The following KCNU1 variants were observed in gnomAD, a reference collection of about 807,000 sequenced individuals.
KCNU1 encodes potassium channel subfamily U member 1.
In KCNU1, 93 loss-of-function variants were observed where a neutral mutation model predicts 126.8. The ratio of observed to expected loss-of-function variants is 0.73; its 90% confidence interval spans 0.62 to 0.87. The LOEUF is 0.87. Ranked by LOEUF, KCNU1 falls within the 40% of genes least tolerant of loss-of-function variation. The pLI, the probability that KCNU1 is intolerant of heterozygous loss-of-function variation, is 0.00. For synonymous variants in KCNU1, 523 were observed against 494.2 expected, an observed-to-expected ratio of 1.06 and a Z score of -0.77; for missense variants, 1,330 against 1,367.1, an observed-to-expected ratio of 0.97 and a Z score of 0.43.
intron 19 of KCNU1, among the ~76,000 whole-genome samples, chr8:36,885,764 G>C (rs1477856028): frequency 6.6e-6 from 1 of 152,032 alleles, no homozygotes. Context: ...TTGCACCCCA[G>C]CTTGGGAGAC....
intron 23 of KCNU1, among the ~76,000 whole-genome samples, chr8:36,922,227 C>T (rs553988135): frequency 1.3e-5 from 2 of 152,266 alleles, no homozygotes; most frequent in East Asian, 3.9e-4. Context: ...AATCAGAACA[C>T]TTCTTGAGAA....
chr8:36,910,967 A>G lies in KCNU1; in HGVS notation c.2369A>G (p.Asn790Ser), dbSNP rs1171253660. Reference sequence around the variant, plus strand: ...TATTCTGGAGACCTCCATGCGGCCAACATAGAGCAATGCTCCATGTGTGCT... The same window carrying G: ...TATTCTGGAGACCTCCATGCGGCCAGCATAGAGCAATGCTCCATGTGTGCT... ...ALYSGDLHAA[N>S]IEQCSMCAVL... Residue 790 changes from asparagine (N) to serine (S), a missense_variant, in exon 22 of 27, where the codon AAC (asparagine) becomes AGC (serine). Physicochemically the swap from Asn to Ser is conservative, Grantham distance 46. Transcript: ENST00000399881. The G allele has an allele frequency of 6.2e-7, 1 of 1,613,490 alleles. No homozygotes were observed. The highest frequency in any genetic ancestry group is 1.3e-5 in the African/African-American group (1 of 74,948).
intron 24 of KCNU1, among the ~76,000 whole-genome samples, chr8:36,927,821 C>T (rs1205594226): frequency 2.0e-5 from 3 of 151,944 alleles, no homozygotes; most frequent in African/African-American, 7.3e-5. Flanking sequence ...ATATTAGAAA[C>T]ATTGACCAAA....
At chr8:36,817,367 C>T (rs1308590376) in intron 9 of KCNU1, among the ~76,000 whole-genome samples, 5 of 151,726 alleles carry the variant, frequency 3.3e-5, no homozygotes, top group Non-Finnish European at 7.4e-5. Context: ...GGCGTGGTGG[C>T]GCATGCCTTT....
intron 3 of KCNU1, 38 bp from the exon 4 acceptor site, chr8:36,805,157 A>C: frequency 6.7e-7 from 1 of 1,483,124 alleles, no homozygotes. Flanking sequence ...CACTTTAAAA[A>C]TGTTGATCTT....
intron 5 of KCNU1, 146 bp from the exon 6 acceptor site, chr8:36,807,229 A>C (rs1462094372): frequency 3.1e-6 from 2 of 643,464 alleles, no homozygotes; most frequent in African/African-American, 3.6e-5. Flanking sequence ...ACTACAGCTT[A>C]TGCTGTTAAG....
chr8:36,856,750 G>T (rs1029871092), intron 18 of KCNU1, among the ~76,000 whole-genome samples: 1 of 152,092 alleles, frequency 6.6e-6, no homozygotes, highest in Non-Finnish European at 1.5e-5. Flanking sequence ...TTAAATTTGG[G>T]CCCCTTTGTA....
intron 2 of KCNU1, among the ~76,000 whole-genome samples, chr8:36,791,270 A>G (rs1783294133): frequency 6.6e-6 from 1 of 152,138 alleles, no homozygotes; most frequent in Non-Finnish European, 1.5e-5. Context: ...ATATGGTTCT[A>G]TTCTCAAGCA....
In KCNU1 at chr8:36,833,561, C is replaced by A. The variant is rs1213071048; in HGVS notation, c.1114C>A (p.Pro372Thr). The change falls in exon 11 of 27, where the codon CCT (proline) becomes ACT (threonine). Residue 372 changes from proline to threonine, a missense_variant. Physicochemically the swap from Pro to Thr is conservative, Grantham distance 38. Coordinates refer to ENST00000399881, the MANE Select transcript of KCNU1 (RefSeq NM_001031836.3). ...ACGTTCTTTTTTGTCCAGAACCCCTCCTTCTTTGGAACTTGAAACCATATT... is the reference window on the plus strand; with the variant it reads ...ACGTTCTTTTTTGTCCAGAACCCCTACTTCTTTGGAACTTGAAACCATATT... Reference protein sequence around the residue: ...TEIVFLGETPPSLELETIFKC... With the variant: ...TEIVFLGETPTSLELETIFKC... 1.2e-6 allele frequency: 2 copies of A among 1,605,062 alleles called. No individual in the cohort carries two copies. The highest frequency in any genetic ancestry group is 2.2e-5 in the South Asian group (2 of 90,868).
chr8:36,876,313 T>C (rs2117381117), intron 19 of KCNU1, among the ~76,000 whole-genome samples: 1 of 152,194 alleles, frequency 6.6e-6, no homozygotes, highest in East Asian at 1.9e-4. Context: ...TTTGGGTGAA[T>C]GCGTTAAAAA....
At chr8:36,894,283 A>G (rs767518363) in intron 19 of KCNU1, among the ~76,000 whole-genome samples, 1 of 152,268 alleles carries the variant, frequency 6.6e-6, no homozygotes, top group Admixed American at 6.5e-5. Context: ...TTCTCAATTC[A>G]TGGTAAAGCC....
intron 2 of KCNU1, among the ~76,000 whole-genome samples, chr8:36,788,328 A>G (rs755431961): frequency 1.2e-4 from 19 of 152,128 alleles, no homozygotes; most frequent in Non-Finnish European, 2.5e-4. Context: ...GAGTACAGTG[A>G]GCTCCTGTCT....
At chr8:36,813,671 T>TAAA (rs67738751) in intron 7 of KCNU1, among the ~76,000 whole-genome samples, 23 of 150,002 alleles carry the variant, frequency 1.5e-4, no homozygotes, top group Admixed American at 4.0e-4. Flanking sequence ...AAGGTTTTTT[T>TAAA]AAAAAAAAAA....
At chr8:36,928,932 C>T (rs966301427) in intron 24 of KCNU1, 35 of 669,768 alleles carry the variant, frequency 5.2e-5, no homozygotes, top group Non-Finnish European at 7.8e-5. Context: ...GAAATCTACA[C>T]TCATTAATAT....
chr8:36,815,200 A>G (rs1803863386), intron 8 of KCNU1, among the ~76,000 whole-genome samples: 2 of 152,072 alleles, frequency 1.3e-5, no homozygotes, highest in Non-Finnish European at 1.5e-5. Flanking sequence ...GCATGGTGGC[A>G]GGCACCTGTA....
At chr8:36,889,332 A>T in intron 19 of KCNU1, 1 of 491,486 alleles carries the variant, frequency 2.0e-6, no homozygotes. Flanking sequence ...ATTACTTTGG[A>T]TCTATCACCT....
chr8:36,907,830 A>C (rs1807691223), intron 20 of KCNU1, among the ~76,000 whole-genome samples: 1 of 152,190 alleles, frequency 6.6e-6, no homozygotes, highest in Admixed American at 6.5e-5. Flanking sequence ...TGCAAATTAA[A>C]CTTACTCTGT....
intron 12 of KCNU1, among the ~76,000 whole-genome samples, chr8:36,835,620 C>T (rs1804719464): frequency 6.6e-6 from 1 of 152,184 alleles, no homozygotes; most frequent in Admixed American, 6.5e-5. Flanking sequence ...GGATTACAGG[C>T]TGGGCCACTG....
chr8:36,857,638 T>G (rs1805575877), intron 18 of KCNU1, among the ~76,000 whole-genome samples: 1 of 151,838 alleles, frequency 6.6e-6, no homozygotes, highest in African/African-American at 2.4e-5. Context: ...TTTTGTTTTT[T>G]TGTTTTTGTT....
Sources: allele counts gnomAD v4.1 joint callset (sites outside exome capture counted in the v4.1 genomes callset), GRCh38; gene constraint gnomAD v4.1.1; transcripts MANE v1.5; gene names NCBI Gene and HGNC (gene_info 2026-07-23, HGNC 2026-07-21).